The following ANAPC15 variants were observed in gnomAD, a reference collection of about 807,000 sequenced individuals.
ANAPC15 encodes the protein anaphase-promoting complex subunit 15.
ANAPC15 carries 13 observed loss-of-function variants against 19.8 expected under a neutral mutation model. That is an observed-to-expected ratio of 0.66 (90% confidence interval 0.43 to 1.04). The LOEUF (loss-of-function observed/expected upper bound fraction) is 1.04, where lower values mean the gene tolerates loss of function less well. Ranked by LOEUF, ANAPC15 falls within the 50% of genes least tolerant of loss-of-function variation. The pLI, the probability that ANAPC15 is intolerant of heterozygous loss-of-function variation, is 0.00. For synonymous variants in ANAPC15, 45 were observed against 50.7 expected (o/e 0.89, Z 0.47); for missense variants, 88 against 150.3 (o/e 0.59, Z 2.17).
At chr11:72,108,146 A>G, downstream of ANAPC15, 1 of 1,469,282 alleles carries the variant, frequency 6.8e-7, no homozygotes, top group Non-Finnish European at 9.1e-7. Context: ...CCCAACCCAG[A>G]TTTTTGTCAC....
chr11:72,111,273 A>C lies in ANAPC15; in HGVS notation c.4T>G (p.Ser2Ala), dbSNP rs373824052. 2 of 1,612,028 alleles carry C rather than the reference A, an allele frequency of 1.2e-6. No individual in the cohort carries two copies. Among genetic ancestry groups the C allele is most frequent in the African/African-American group, 2.7e-5 (2 of 74,902 alleles). Reference sequence around the variant, plus strand: ...GGGAAGAGTGAGGGGAACAAAGTGGACATGGCTCCTAGACTGAGGGAAAGG... The same window carrying C: ...GGGAAGAGTGAGGGGAACAAAGTGGCCATGGCTCCTAGACTGAGGGAAAGG... MSTLFPSLFPRV... is the reference protein window; with the variant it reads MATLFPSLFPRV... The change falls in exon 3 of 6, where the codon TCC becomes GCC. Residue 2 changes from serine to alanine, a missense_variant. Coordinates refer to ENST00000227618, the MANE Select transcript of ANAPC15 (RefSeq NM_014042.3).
chr11:72,108,832 C>T (rs551775464), downstream of ANAPC15: 3 of 1,550,638 alleles, frequency 1.9e-6, no homozygotes, highest in Non-Finnish European at 2.6e-6. Flanking sequence ...AGAGCTGTGG[C>T]CGCTACCGCT....
downstream of ANAPC15, chr11:72,108,181 C>T: frequency 7.2e-7 from 1 of 1,391,584 alleles, no homozygotes; most frequent in Non-Finnish European, 9.5e-7. Flanking sequence ...CCAGACATCC[C>T]TTGTGAAGGA....
chr11:72,112,672 C>A lies in ANAPC15; in HGVS notation c.-118G>T, dbSNP rs753476430. The stretch of plus-strand genomic sequence containing the variant: ...TACCGCGCCGGGAGGCTGCTGCCGG[C>A]GGCGACCCGGAAGCGCTTCACCCAG... On this transcript the variant is annotated 5_prime_UTR_variant, in exon 1 of 6. Coordinates refer to ENST00000227618, the MANE Select transcript of ANAPC15 (RefSeq NM_014042.3). 1 of 456,550 alleles carries A rather than the reference C, an allele frequency of 2.2e-6. No individual in the cohort carries two copies. The highest frequency in any genetic ancestry group is 4.4e-6 in the Non-Finnish European group (1 of 226,948). The allele number at this position is 456,550 out of a possible 1,614,324, so 28.3% of individuals were successfully genotyped here.
downstream of ANAPC15, chr11:72,106,844 G>C (rs901389486): frequency 6.6e-6 from 1 of 152,514 alleles, no homozygotes; most frequent in Non-Finnish European, 1.5e-5. Context: ...GGGAGGCTGA[G>C]GTGGGAGGAT....
chr11:72,111,326 T>C (rs1946867187), intron 2 of ANAPC15, 40 bp from the exon 3 acceptor site: 1 of 1,487,538 alleles, frequency 6.7e-7, no homozygotes, highest in East Asian at 2.3e-5. Flanking sequence ...TGCTTTGTTT[T>C]TGTTTTTAAT....
chr11:72,111,771 A>C (rs1947026490), intron 1 of ANAPC15, among the ~76,000 whole-genome samples: 1 of 152,192 alleles, frequency 6.6e-6, no homozygotes, highest in Non-Finnish European at 1.5e-5. Flanking sequence ...ACCCAGTGTC[A>C]GAAATTTAGG....
chr11:72,111,098 C>T (rs988012280), intron 3 of ANAPC15, 59 bp downstream of exon 3: 2 of 1,017,352 alleles, frequency 2.0e-6, no homozygotes, highest in African/African-American at 3.2e-5. Flanking sequence ...GGTCATGGCC[C>T]ACTGAAGGAG....
chr11:72,108,704 CGAT>C (rs1945994526), downstream of ANAPC15: 18 of 1,548,354 alleles, frequency 1.2e-5, no homozygotes, highest in Non-Finnish European at 1.6e-5. Context: ...ACACCGGCCA[CGAT>C]GTTACCTGAG....
At chr11:72,112,499 CGAG>C (rs934793435) in intron 1 of ANAPC15, 148 bp downstream of exon 1, 2 of 317,382 alleles carry the variant, frequency 6.3e-6, no homozygotes, top group Non-Finnish European at 6.4e-6. Flanking sequence ...GGCTTAGTCT[CGAG>C]GAAGCGGCCA....
At chr11:72,109,012 G>A (rs1946047930), downstream of ANAPC15, 1 of 1,207,514 alleles carries the variant, frequency 8.3e-7, no homozygotes, top group Non-Finnish European at 1.1e-6. Context: ...CCTGTTTGGG[G>A]CCTTGACACA....
At chr11:72,110,628 A>G in intron 3 of ANAPC15, 25 bp from the exon 4 acceptor site, 1 of 1,614,128 alleles carries the variant, frequency 6.2e-7, no homozygotes, top group Non-Finnish European at 8.5e-7. Flanking sequence ...ACAGAGGAAC[A>G]AGGCCAGAGC....
chr11:72,112,594 G>T, intron 1 of ANAPC15, 56 bp downstream of exon 1: 2 of 449,806 alleles, frequency 4.4e-6, no homozygotes, highest in South Asian at 3.1e-5. Context: ...GGTTTCTCTG[G>T]GGGAAAAAGG....
chr11:72,109,005 G>A (rs1016024999), downstream of ANAPC15: 18 of 1,276,594 alleles, frequency 1.4e-5, 1 homozygote, highest in East Asian at 1.5e-4. Flanking sequence ...TCCCTTTCCT[G>A]TTTGGGGCCT....
downstream of ANAPC15, chr11:72,108,592 C>A (rs534993150): frequency 6.9e-7 from 1 of 1,445,846 alleles, no homozygotes; most frequent in South Asian, 1.5e-5. Context: ...TCCAGCTCCC[C>A]CTATCCCCAC....
chr11:72,108,658 G>T, downstream of ANAPC15: 1 of 1,523,334 alleles, frequency 6.6e-7, no homozygotes, highest in East Asian at 2.5e-5. Flanking sequence ...TACGCACCCA[G>T]TATCAGCTGA....
chr11:72,111,120 T>C (rs1946775906), intron 3 of ANAPC15, 37 bp downstream of exon 3: 1 of 1,347,102 alleles, frequency 7.4e-7, no homozygotes. Context: ...TCTCTGTCTG[T>C]GCTGAGGTCT....
Position 72,109,611 on chromosome 11 carries a change from T to C in ANAPC15, c.*270A>G. 1.7e-6 allele frequency: 1 copy of C among 577,120 alleles called. No individual in the cohort carries two copies. The highest frequency in any genetic ancestry group is 3.1e-6 in the Non-Finnish European group (1 of 322,586). 35.7% of individuals were successfully genotyped at this position (577,120 alleles called of 1,614,324 possible). On this transcript the variant is annotated 3_prime_UTR_variant, in exon 6 of 6. Transcript: ENST00000227618. ...GTGGAAAATCACTCCTTTGTCTTTA[T>C]TAAAGAAACTTAGACCAGACCTGGC...
At chr11:72,111,769 T>A (rs1279708915) in intron 1 of ANAPC15, among the ~76,000 whole-genome samples, 1 of 152,076 alleles carries the variant, frequency 6.6e-6, no homozygotes, top group African/African-American at 2.4e-5. Flanking sequence ...CCACCCAGTG[T>A]CAGAAATTTA....
Sources: gnomAD v4.1 joint callset for allele counts (sites outside exome capture counted in the v4.1 genomes callset) on GRCh38, gnomAD v4.1.1 for gene constraint, MANE v1.5 for transcripts, NCBI Gene and HGNC (gene_info 2026-07-23, HGNC 2026-07-21) for gene names.